Variants in CXCL13 observed in about 807,000 individuals in gnomAD.
CXCL13 encodes the protein C-X-C motif chemokine 13.
In CXCL13, 7 loss-of-function variants were observed where a neutral mutation model predicts 12.2. That is an observed-to-expected ratio of 0.57 (90% confidence interval 0.33 to 1.07). CXCL13 has a LOEUF of 1.07. CXCL13 is among the 50% of genes least tolerant of loss of function. The pLI is 0.04. For missense variants in CXCL13, 113 were observed against 127.4 expected (o/e 0.89, Z 0.55); for synonymous variants, 47 against 42.4 (o/e 1.11, Z -0.42).
At chr4:77,528,761 G>A (rs1204976694) in intron 1 of CXCL13, among the ~76,000 whole-genome samples, 3 of 152,188 alleles carry the variant, frequency 2.0e-5, no homozygotes, top group Admixed American at 1.3e-4. Flanking sequence ...TTCCTTTGCT[G>A]TGCAGAAGCT....
At chr4:77,515,289 G>T (rs1724387059) in intron 1 of CXCL13, among the ~76,000 whole-genome samples, 1 of 152,132 alleles carries the variant, frequency 6.6e-6, no homozygotes, top group South Asian at 2.1e-4. Context: ...TGGCGATGTG[G>T]GCTCTTTTTT....
At chr4:77,580,719 C>A (rs1247604654) in intron 1 of CXCL13, among the ~76,000 whole-genome samples, 2 of 113,174 alleles carry the variant, frequency 1.8e-5, no homozygotes, top group African/African-American at 3.4e-5. Flanking sequence ...TCCTCCCCTC[C>A]CCTCCCCTCC....
chr4:77,545,196 G>A (rs1032754165), intron 1 of CXCL13, among the ~76,000 whole-genome samples: 1 of 152,150 alleles, frequency 6.6e-6, no homozygotes. Flanking sequence ...CTCCAGCTTT[G>A]TTCTTTTGGC....
At chr4:77,588,953 G>A (rs958588037) in intron 1 of CXCL13, among the ~76,000 whole-genome samples, 1 of 152,192 alleles carries the variant, frequency 6.6e-6, no homozygotes, top group Non-Finnish European at 1.5e-5. Flanking sequence ...CATGGTTGAA[G>A]CAGTTTCCTC....
At chr4:77,534,028 T>A (rs982056752) in intron 1 of CXCL13, among the ~76,000 whole-genome samples, 1 of 152,182 alleles carries the variant, frequency 6.6e-6, no homozygotes, top group African/African-American at 2.4e-5. Flanking sequence ...CTTGGTGCAC[T>A]GCACCCTCTG....
intron 1 of CXCL13, among the ~76,000 whole-genome samples, chr4:77,520,294 A>T (rs1279647583): frequency 1.3e-5 from 2 of 152,130 alleles, no homozygotes; most frequent in East Asian, 3.8e-4. Flanking sequence ...GAACCTATAA[A>T]TTACCTTGGG....
chr4:77,573,717 A>G (rs980970963), intron 1 of CXCL13, among the ~76,000 whole-genome samples: 1 of 152,014 alleles, frequency 6.6e-6, no homozygotes, highest in Non-Finnish European at 1.5e-5. Flanking sequence ...GCTATAGCTC[A>G]GTAGCTAAGG....
intron 1 of CXCL13, among the ~76,000 whole-genome samples, chr4:77,564,964 T>A (rs556817223): frequency 6.6e-6 from 1 of 152,128 alleles, no homozygotes; most frequent in South Asian, 2.1e-4. Context: ...CCACACGGGG[T>A]TTTCCTGGAC....
chr4:77,599,036 T>C (rs1429278062), intron 1 of CXCL13, among the ~76,000 whole-genome samples: 2 of 152,114 alleles, frequency 1.3e-5, no homozygotes, highest in Non-Finnish European at 2.9e-5. Flanking sequence ...CTTGAACTCC[T>C]GACCTCAGGT....
At chr4:77,609,675 A>G (rs1488399006) in intron 2 of CXCL13, among the ~76,000 whole-genome samples, 2 of 152,174 alleles carry the variant, frequency 1.3e-5, no homozygotes, top group Non-Finnish European at 2.9e-5. Context: ...AGTTCACACC[A>G]ATAGAGGGTA....
At chr4:77,570,534 G>A (rs186333742) in intron 1 of CXCL13, among the ~76,000 whole-genome samples, 72 of 152,322 alleles carry the variant, frequency 4.7e-4, no homozygotes, top group African/African-American at 1.5e-3. Context: ...TGCTCTCGGC[G>A]CCTCCTCTGC....
intron 1 of CXCL13, among the ~76,000 whole-genome samples, chr4:77,590,429 G>A (rs1726576800): frequency 6.6e-6 from 1 of 152,254 alleles, no homozygotes; most frequent in South Asian, 2.1e-4. Flanking sequence ...AGTTCTTTCA[G>A]CTAATGCAAG....
intron 1 of CXCL13, among the ~76,000 whole-genome samples, chr4:77,560,741 T>G (rs950610565): frequency 6.6e-6 from 1 of 152,324 alleles, no homozygotes; most frequent in Middle Eastern, 3.4e-3. Flanking sequence ...CGCACGGTCT[T>G]TCACACCACT....
intron 1 of CXCL13, among the ~76,000 whole-genome samples, chr4:77,547,170 A>C (rs1340328443): frequency 6.6e-6 from 1 of 152,176 alleles, no homozygotes; most frequent in Non-Finnish European, 1.5e-5. Flanking sequence ...CTATGTGGTC[A>C]ATTTTGGTAT....
chr4:77,564,732 C>A (rs1381516023), intron 1 of CXCL13, among the ~76,000 whole-genome samples: 2 of 152,186 alleles, frequency 1.3e-5, no homozygotes, highest in African/African-American at 4.8e-5. Context: ...AGCCCAAACT[C>A]TTAATTATGA....
intron 1 of CXCL13, among the ~76,000 whole-genome samples, chr4:77,542,545 C>T (rs1725230329): frequency 6.6e-6 from 1 of 152,116 alleles, no homozygotes; most frequent in Admixed American, 6.6e-5. Flanking sequence ...CAATCACCTT[C>T]CACCAGGCCC....
chr4:77,606,024 A>T, intron 1 of CXCL13, 95 bp downstream of exon 1: 1 of 777,454 alleles, frequency 1.3e-6, no homozygotes, highest in Non-Finnish European at 2.0e-6. Context: ...GGGAAGTCTG[A>T]CTAAAGGGGG....
rs76412455 is a variant in CXCL13, at chr4:77,589,505, C to T, written c.-42-16319C>T. ...TGTTTTGTTACTATTAATCTCTTAC[C>T]GTGCCTAATTTATACATTAAACTTT... On this transcript the variant is annotated intron_variant, in intron 1 of 4. Transcript: ENST00000286758. 6.9e-3 allele frequency among the ~76,000 whole-genome samples: 1,041 copies of T among 151,828 alleles called. 16 individuals carry two copies. The highest frequency in any genetic ancestry group is 0.024 in the African/African-American group (994 of 41,316).
At chr4:77,531,876 T>C (rs1413605945) in intron 1 of CXCL13, among the ~76,000 whole-genome samples, 1 of 152,186 alleles carries the variant, frequency 6.6e-6, no homozygotes, top group Non-Finnish European at 1.5e-5. Context: ...AACCCCTGCC[T>C]TTTTTGTTTT....
Sources: gnomAD v4.1 joint callset for allele counts (sites outside exome capture counted in the v4.1 genomes callset) on GRCh38, gnomAD v4.1.1 for gene constraint, MANE v1.5 for transcripts, NCBI Gene and HGNC (gene_info 2026-07-23, HGNC 2026-07-21) for gene names.